Variants in ADGRL3 observed in about 807,000 individuals in gnomAD.
The protein encoded by ADGRL3 is calcium-independent alpha-latrotoxin receptor 3.
In ADGRL3, 62 loss-of-function variants were observed where a neutral mutation model predicts 153.5. The observed-to-expected ratio is 0.40, with a 90% CI of 0.33 to 0.50. The LOEUF (loss-of-function observed/expected upper bound fraction) is 0.50. Ranked by LOEUF, ADGRL3 falls within the 20% of genes least tolerant of loss-of-function variation. ADGRL3 has a pLI of 0.47. For synonymous variants in ADGRL3, 710 were observed against 672.5 expected, an observed-to-expected ratio of 1.06 and a Z score of -0.86; for missense variants, 1,641 against 1,859.4, an observed-to-expected ratio of 0.88 and a Z score of 2.16.
At chr4:61,754,877 T>G (rs181147006) in intron 8 of ADGRL3, among the ~76,000 whole-genome samples, 227 of 152,280 alleles carry the variant, frequency 1.5e-3, no homozygotes, top group African/African-American at 5.3e-3. Flanking sequence ...GTGTTTGTTT[T>G]TTTATTCTTG....
At chr4:62,032,937 A>C (rs1722928834) in intron 23 of ADGRL3, among the ~76,000 whole-genome samples, 1 of 151,702 alleles carries the variant, frequency 6.6e-6, no homozygotes, top group African/African-American at 2.4e-5. Context: ...AGAATTCTTA[A>C]AAAGAGGTTG....
chr4:61,962,331 A>G (rs1008314310), intron 17 of ADGRL3, among the ~76,000 whole-genome samples: 1 of 152,228 alleles, frequency 6.6e-6, no homozygotes, highest in Non-Finnish European at 1.5e-5. Flanking sequence ...ATTATTGTTA[A>G]CACAAACAAG....
intron 1 of ADGRL3, among the ~76,000 whole-genome samples, chr4:61,332,949 C>T (rs1578306618): frequency 6.6e-6 from 1 of 152,154 alleles, no homozygotes; most frequent in South Asian, 2.1e-4. Flanking sequence ...GAACTTCTCA[C>T]CCTTGTGATA....
At chr4:61,508,475 A>C (rs1032924981) in intron 3 of ADGRL3, among the ~76,000 whole-genome samples, 4 of 152,222 alleles carry the variant, frequency 2.6e-5, no homozygotes, top group African/African-American at 9.6e-5. Context: ...GAGTAAAAGC[A>C]GACTATTTAT....
chr4:61,900,086 T>A (rs958108497), intron 11 of ADGRL3, among the ~76,000 whole-genome samples: 6 of 152,152 alleles, frequency 3.9e-5, no homozygotes, highest in African/African-American at 1.4e-4. Context: ...TCTTGATAGT[T>A]GAGTTATGGT....
intron 5 of ADGRL3, among the ~76,000 whole-genome samples, chr4:61,662,956 G>A (rs1319510469): frequency 6.6e-6 from 1 of 152,012 alleles, no homozygotes; most frequent in Non-Finnish European, 1.5e-5. Flanking sequence ...TCTGCTGAGA[G>A]CTGAATATTC....
intron 1 of ADGRL3, among the ~76,000 whole-genome samples, chr4:61,330,711 A>T (rs920073118): frequency 1.3e-5 from 2 of 152,118 alleles, no homozygotes; most frequent in Non-Finnish European, 2.9e-5. Flanking sequence ...GAAAGAACAA[A>T]GCTTCCACTG....
chr4:61,532,388 A>G (rs2098624312), intron 4 of ADGRL3, among the ~76,000 whole-genome samples: 1 of 152,110 alleles, frequency 6.6e-6, no homozygotes, highest in Admixed American at 6.5e-5. Flanking sequence ...AGAGCTACTC[A>G]TTATTGTTGG....
intron 13 of ADGRL3, among the ~76,000 whole-genome samples, chr4:61,926,189 T>C (rs550307648): frequency 3.8e-4 from 58 of 152,314 alleles, no homozygotes; most frequent in African/African-American, 1.4e-3. Flanking sequence ...AGCAGCTCCA[T>C]TTTAATTTTA....
chr4:61,225,015 T>C (rs1747298915), intron 1 of ADGRL3, among the ~76,000 whole-genome samples: 1 of 152,234 alleles, frequency 6.6e-6, no homozygotes, highest in African/African-American at 2.4e-5. Context: ...ATCCTTCTTT[T>C]ATGCTTCCTT....
intron 25 of ADGRL3, among the ~76,000 whole-genome samples, chr4:62,055,921 A>G (rs1736759887): frequency 6.6e-6 from 1 of 151,488 alleles, no homozygotes; most frequent in Admixed American, 6.6e-5. Context: ...TTATTCATTT[A>G]TTTTATATAA....
In ADGRL3 at chr4:61,750,785, G is replaced by A. The variant is rs557254398; in HGVS notation, c.1399+17231G>A. ...AGCCTGGGCGACAGAGCGAGACTCCGTCTCAAAAAAGAAAAAAAAAAAAAA... is the reference window on the plus strand; with the variant it reads ...AGCCTGGGCGACAGAGCGAGACTCCATCTCAAAAAAGAAAAAAAAAAAAAA... On this transcript the variant is annotated intron_variant, in intron 8 of 26. Coordinates refer to ENST00000683033, the MANE Select transcript of ADGRL3 (RefSeq NM_001387552.1). Among the ~76,000 whole-genome samples the A allele has an allele frequency of 6.1e-4, 63 of 104,038 alleles. No individual in the cohort carries two copies. In the East Asian group the frequency reaches 0.012, roughly 20 times the overall value. 68.3% of individuals were successfully genotyped at this position (104,038 alleles called of 152,430 possible). A position where few individuals can be genotyped will look rare whatever the true frequency, so the allele number is the denominator to read the frequency against.
intron 1 of ADGRL3, among the ~76,000 whole-genome samples, chr4:61,278,475 G>A (rs998183337): frequency 4.6e-5 from 7 of 151,950 alleles, no homozygotes; most frequent in Admixed American, 2.6e-4. Context: ...AAATATCTTA[G>A]CAAACATTGC....
chr4:61,287,139 A>T (rs1048639079), intron 1 of ADGRL3, among the ~76,000 whole-genome samples: 1 of 151,836 alleles, frequency 6.6e-6, no homozygotes, highest in Non-Finnish European at 1.5e-5. Context: ...ACGTTTTACC[A>T]CACCAAGATA....
At chr4:61,545,350 G>A (rs879357417) in intron 4 of ADGRL3, among the ~76,000 whole-genome samples, 5 of 152,150 alleles carry the variant, frequency 3.3e-5, no homozygotes, top group African/African-American at 7.2e-5. Flanking sequence ...TAGAAGCTGG[G>A]TTCAGCTCAG....
At chr4:62,001,426 G>C (rs1391570904) in intron 21 of ADGRL3, among the ~76,000 whole-genome samples, 1 of 152,168 alleles carries the variant, frequency 6.6e-6, no homozygotes, top group Non-Finnish European at 1.5e-5. Context: ...AGGTAGGAAA[G>C]ATAGTCTTTG....
chr4:61,965,997 G>A (rs930571269), intron 17 of ADGRL3, among the ~76,000 whole-genome samples: 4 of 151,966 alleles, frequency 2.6e-5, no homozygotes, highest in East Asian at 1.9e-4. Context: ...TAAGCCTGTG[G>A]GATAATTGTC....
chr4:62,058,194 T>A (rs1738081528), intron 25 of ADGRL3, among the ~76,000 whole-genome samples: 1 of 151,890 alleles, frequency 6.6e-6, no homozygotes, highest in South Asian at 2.1e-4. Context: ...AGTGAGTTGT[T>A]TTTTGTTTTG....
chr4:61,753,410 C>T (rs1338865177), intron 8 of ADGRL3, among the ~76,000 whole-genome samples: 2 of 152,102 alleles, frequency 1.3e-5, no homozygotes, highest in South Asian at 2.1e-4. Flanking sequence ...AGTCTGAATG[C>T]CTCTGGTGAT....
Sources: gnomAD v4.1 joint callset for allele counts (sites outside exome capture counted in the v4.1 genomes callset) on GRCh38, gnomAD v4.1.1 for gene constraint, MANE v1.5 for transcripts, NCBI Gene and HGNC (gene_info 2026-07-23, HGNC 2026-07-21) for gene names.